The following DLGAP2 variants were observed in gnomAD, a reference collection of about 807,000 sequenced individuals.
The protein encoded by DLGAP2 is disks large-associated protein 2.
DLGAP2 carries 26 observed loss-of-function variants against 100.3 expected under a neutral mutation model. The ratio of observed to expected loss-of-function variants is 0.26; its 90% CI spans 0.19 to 0.36. The LOEUF (loss-of-function observed/expected upper bound fraction) is 0.36, where lower values mean the gene tolerates loss of function less well. DLGAP2 is among the 10% of genes least tolerant of loss of function. DLGAP2 has a pLI of 1.00. For missense variants in DLGAP2, 1,858 were observed against 1,453.2 expected (o/e 1.28, Z -4.53); for synonymous variants, 886 against 630.1 (o/e 1.41, Z -6.08).
chr8:767,704 G>A (rs1821251657), intron 1 of DLGAP2, among the ~76,000 whole-genome samples: 1 of 152,162 alleles, frequency 6.6e-6, no homozygotes, highest in South Asian at 2.1e-4. Context: ...AATCTTTAGG[G>A]TTGAGACATT....
intron 2 of DLGAP2, among the ~76,000 whole-genome samples, chr8:1,237,262 A>G (rs1180417428): frequency 1.4e-3 from 139 of 99,776 alleles, no homozygotes; most frequent in African/African-American, 5.7e-3. Context: ...ACATGGTGCT[A>G]TGTCTAGATC....
intron 2 of DLGAP2, among the ~76,000 whole-genome samples, chr8:1,121,799 C>A (rs1796056430): frequency 6.6e-6 from 1 of 152,096 alleles, no homozygotes; most frequent in Non-Finnish European, 1.5e-5. Context: ...GAACCCGTGG[C>A]CTCTCATCCT....
At chr8:1,078,544 C>G (rs369931226) in intron 2 of DLGAP2, among the ~76,000 whole-genome samples, 8 of 152,102 alleles carry the variant, frequency 5.3e-5, no homozygotes, top group Middle Eastern at 6.8e-3. Flanking sequence ...CCTAAAAACC[C>G]TCTGTTCTCT....
intron 5 of DLGAP2, among the ~76,000 whole-genome samples, chr8:1,564,081 C>G (rs1205142074): frequency 4.6e-5 from 7 of 152,086 alleles, no homozygotes; most frequent in African/African-American, 1.7e-4. Flanking sequence ...GGGTGATGAG[C>G]TAGTTGCTGT....
chr8:883,632 G>T (rs1797860498), intron 1 of DLGAP2, among the ~76,000 whole-genome samples: 1 of 151,352 alleles, frequency 6.6e-6, no homozygotes, highest in Non-Finnish European at 1.5e-5. Context: ...TCGTTACGTA[G>T]GAGCGCGGGT....
intron 3 of DLGAP2, among the ~76,000 whole-genome samples, chr8:1,271,396 T>C (rs1799580410): frequency 6.6e-6 from 1 of 152,166 alleles, no homozygotes; most frequent in African/African-American, 2.4e-5. Context: ...GTGACTTCTG[T>C]TTTACTTTTA....
At chr8:1,235,405 C>G (rs151205249) in intron 2 of DLGAP2, among the ~76,000 whole-genome samples, 1 of 151,602 alleles carries the variant, frequency 6.6e-6, no homozygotes, top group Admixed American at 6.6e-5. Flanking sequence ...CTCGTTCTCT[C>G]TCACGTGGCA....
chr8:1,344,970 A>C (rs1480452694), intron 3 of DLGAP2, among the ~76,000 whole-genome samples: 1 of 152,244 alleles, frequency 6.6e-6, no homozygotes, highest in East Asian at 1.9e-4. Flanking sequence ...CCAGAGGGCT[A>C]GACCGCCAGT....
intron 3 of DLGAP2, among the ~76,000 whole-genome samples, chr8:1,427,788 A>T (rs1404878233): frequency 6.6e-6 from 1 of 152,190 alleles, no homozygotes; most frequent in Non-Finnish European, 1.5e-5. Flanking sequence ...GCTACATGGA[A>T]CCGTAAGTCC....
At chr8:1,344,000 C>A (rs73170477) in intron 3 of DLGAP2, among the ~76,000 whole-genome samples, 1 of 152,102 alleles carries the variant, frequency 6.6e-6, no homozygotes, top group East Asian at 1.9e-4. Context: ...CATTTACCAA[C>A]GTCCTATTCA....
chr8:1,059,096 GC>G (rs1436847146), intron 2 of DLGAP2, among the ~76,000 whole-genome samples: 1 of 152,110 alleles, frequency 6.6e-6, no homozygotes, highest in East Asian at 1.9e-4. Flanking sequence ...CCTCAGGTTC[GC>G]CCATCTCTCT....
intron 2 of DLGAP2, among the ~76,000 whole-genome samples, chr8:1,163,666 G>A (rs1466676857): frequency 1.3e-5 from 2 of 152,204 alleles, no homozygotes; most frequent in African/African-American, 4.8e-5. Flanking sequence ...GAGGGCCGGG[G>A]ATCGAGAAAA....
chr8:850,271 C>T (rs1055755039), intron 1 of DLGAP2, among the ~76,000 whole-genome samples: 2 of 152,120 alleles, frequency 1.3e-5, no homozygotes, highest in African/African-American at 4.8e-5. Flanking sequence ...CAGTTTATCA[C>T]ATTTTTAAAT....
At chr8:1,245,212 C>T (rs536616203) in intron 2 of DLGAP2, among the ~76,000 whole-genome samples, 1 of 152,164 alleles carries the variant, frequency 6.6e-6, no homozygotes, top group Non-Finnish European at 1.5e-5. Context: ...CATAGAGTTA[C>T]CATGTGACCA....
intron 2 of DLGAP2, among the ~76,000 whole-genome samples, chr8:1,164,156 G>GC (rs59482139): frequency 0.21 from 2,538 of 11,818 alleles, 473 homozygotes; most frequent in Middle Eastern, 0.44. Flanking sequence ...TTTTCTGTGA[G>GC]CCCCCCAGGG....
intron 2 of DLGAP2, among the ~76,000 whole-genome samples, chr8:923,019 G>A (rs1265513535): frequency 6.6e-6 from 1 of 152,196 alleles, no homozygotes; most frequent in Admixed American, 6.5e-5. Flanking sequence ...GCATTACTCT[G>A]TATCACACTC....
intron 1 of DLGAP2, among the ~76,000 whole-genome samples, chr8:826,278 A>C (rs1257986671): frequency 6.6e-6 from 1 of 152,206 alleles, no homozygotes; most frequent in Non-Finnish European, 1.5e-5. Flanking sequence ...ACAGAGCTGC[A>C]GTCAACATGG....
chr8:851,819 C>T (rs1331339990), intron 1 of DLGAP2, among the ~76,000 whole-genome samples: 1 of 152,228 alleles, frequency 6.6e-6, no homozygotes, highest in Non-Finnish European at 1.5e-5. Flanking sequence ...AGCTGGGAAG[C>T]AGTGACTGTT....
rs532491856 is a variant in DLGAP2, at chr8:1,549,526, C to T, written c.1073C>T (p.Ala358Val). Residue 358 changes from alanine (A) to valine (V), a missense_variant, in exon 5 of 15, where the codon GCG (alanine) becomes GTG (valine). Ala to Val is a moderately conservative substitution (Grantham distance 64). Transcript: ENST00000637795. Reference sequence around the variant, plus strand: ...AAGTGCTCGGCCTGTGAGGGGTTGGCGCTGACGCCCGACGCCAAGTACCTG... The same window carrying T: ...AAGTGCTCGGCCTGTGAGGGGTTGGTGCTGACGCCCGACGCCAAGTACCTG... ...DVKCSACEGL[A>V]LTPDAKYLKR... 1.4e-5 allele frequency: 23 copies of T among 1,613,394 alleles called. No individual in the cohort carries two copies. Among genetic ancestry groups the T allele is most frequent in the African/African-American group, 2.7e-5 (2 of 75,064 alleles).
Sources: gnomAD v4.1 joint callset for allele counts (sites outside exome capture counted in the v4.1 genomes callset) on GRCh38, gnomAD v4.1.1 for gene constraint, MANE v1.5 for transcripts, NCBI Gene and HGNC (gene_info 2026-07-23, HGNC 2026-07-21) for gene names.